Variants in LEF1 observed in about 807,000 individuals in gnomAD.
LEF1 encodes the protein lymphoid enhancer-binding factor 1.
LEF1 carries 14 observed loss-of-function variants against 51.2 expected under a neutral mutation model. The ratio of observed to expected loss-of-function variants is 0.27; its 90% CI spans 0.18 to 0.43. The LOEUF (loss-of-function observed/expected upper bound fraction) is 0.43. Ranked by LOEUF, LEF1 falls within the 20% of genes least tolerant of loss-of-function variation. The pLI is 1.00. For missense variants in LEF1, 386 were observed against 512.0 expected (o/e 0.75, Z 2.37); for synonymous variants, 185 against 183.2 (o/e 1.01, Z -0.08).
intron 3 of LEF1, among the ~76,000 whole-genome samples, chr4:108,141,431 T>C (rs1368695077): frequency 1.3e-5 from 2 of 152,204 alleles, no homozygotes; most frequent in African/African-American, 4.8e-5. Context: ...AGATGTGGCA[T>C]GTCAGCGGGA....
intron 8 of LEF1, among the ~76,000 whole-genome samples, chr4:108,076,366 T>C (rs964005977): frequency 1.3e-5 from 2 of 152,218 alleles, no homozygotes; most frequent in East Asian, 3.9e-4. Flanking sequence ...AAATTCTAGG[T>C]GGATATTTAT....
At chr4:108,110,302 C>G (rs1406606744) in intron 3 of LEF1, among the ~76,000 whole-genome samples, 1 of 152,196 alleles carries the variant, frequency 6.6e-6, no homozygotes, top group Non-Finnish European at 1.5e-5. Flanking sequence ...ACAAGTTTCA[C>G]TATTCTTGTT....
At position 108,070,557 on chromosome 4, in the gene LEF1, A is replaced by C; in HGVS notation, c.1116+106T>G. 13 of 630,114 alleles carry C rather than the reference A, an allele frequency of 2.1e-5. No individual in the cohort carries two copies. In the South Asian group the frequency reaches 3.7e-4, roughly 18 times the overall value. The allele number at this position is 630,114 out of a possible 1,614,324, so 39.0% of individuals were successfully genotyped here. ...TTACAAAGTTCATTAACTTCCAAAA[A>C]ATAAGTAGTACCAGCATTATATACA... On this transcript the variant is annotated intron_variant, in intron 9 of 11. Transcript: ENST00000265165.
rs1736720986 is a variant in LEF1 at position 108,047,896 on chromosome 4, G to A, written c.*862C>T. The stretch of plus-strand genomic sequence containing the variant: ...TTTAAAAAAAGAAAAGAAGAAAACA[G>A]AAGAAAAAATAAACTGAAATAGGGC... On this transcript the variant is annotated 3_prime_UTR_variant, in exon 12 of 12. Transcript: ENST00000265165. 6.6e-6 allele frequency: 1 copy of A among 152,542 alleles called. No individual in the cohort carries two copies. Among genetic ancestry groups the A allele is most frequent in the South Asian group, 2.1e-4 (1 of 4,832 alleles). 9.4% of individuals were successfully genotyped at this position (152,542 alleles called of 1,614,324 possible).
intron 11 of LEF1, among the ~76,000 whole-genome samples, chr4:108,058,813 A>G (rs113628966): frequency 7.2e-5 from 11 of 152,208 alleles, no homozygotes; most frequent in Non-Finnish European, 1.5e-4. Flanking sequence ...GCCTAACAGG[A>G]TTCGTGACTT....
At chr4:108,048,822 C>G (rs575236712) in intron 11 of LEF1, 71 bp from the exon 12 acceptor site, 1 of 1,053,932 alleles carries the variant, frequency 9.5e-7, no homozygotes, top group Admixed American at 2.4e-5. Flanking sequence ...ACCTCTATTC[C>G]ATACCATATA....
intron 3 of LEF1, among the ~76,000 whole-genome samples, chr4:108,161,246 G>T (rs994436339): frequency 1.3e-5 from 2 of 152,064 alleles, no homozygotes; most frequent in East Asian, 1.9e-4. Flanking sequence ...AACTCACTTC[G>T]GTTGGACCCT....
At chr4:108,069,521 G>A (rs1738311418) in intron 9 of LEF1, among the ~76,000 whole-genome samples, 1 of 152,182 alleles carries the variant, frequency 6.6e-6, no homozygotes, top group Admixed American at 6.5e-5. Flanking sequence ...ATATGTGATA[G>A]ATGCTGGGGT....
chr4:108,157,174 A>C (rs1274172019), intron 3 of LEF1, among the ~76,000 whole-genome samples: 4 of 110,896 alleles, frequency 3.6e-5, no homozygotes, highest in East Asian at 3.7e-4. Flanking sequence ...CTCTCTATAT[A>C]TATATACACA....
rs115872504 is a variant in LEF1 at position 108,069,549 on chromosome 4, G to T, written c.1116+1114C>A. 2.2e-3 allele frequency among the ~76,000 whole-genome samples: 342 copies of T among 152,272 alleles called. 1 individual carries two copies. The highest frequency in any genetic ancestry group is 2.5e-3 in the Non-Finnish European group (170 of 68,012). ...GCTGGGGTACGATAACATGAAAAAA[G>T]ATTTTTTTACCCAGTTTTAAGTAGT... On this transcript the variant is annotated intron_variant, in intron 9 of 11. Transcript: ENST00000265165.
chr4:108,167,938 A>G lies in LEF1; in HGVS notation c.-171T>C. 1 of 388,990 alleles carries G rather than the reference A, an allele frequency of 2.6e-6. No individual in the cohort carries two copies. The highest frequency in any genetic ancestry group is 4.1e-5 in the East Asian group (1 of 24,212). The allele number at this position is 388,990 out of a possible 1,614,324, so 24.1% of individuals were successfully genotyped here. The stretch of plus-strand genomic sequence containing the variant: ...CGCGGGGCCGCCGGCCGGCAGCCGG[A>G]GCAGCTGCCGCGGCGCCCGAATCCC... On this transcript the variant is annotated 5_prime_UTR_variant, in exon 1 of 12. Coordinates refer to ENST00000265165, the MANE Select transcript of LEF1 (RefSeq NM_016269.5). The surrounding 1 kb of genome is among the most constrained non-coding windows in gnomAD (Gnocchi z 5.7).
intron 3 of LEF1, among the ~76,000 whole-genome samples, chr4:108,105,387 G>T (rs577699550): frequency 1.4e-4 from 21 of 152,030 alleles, no homozygotes; most frequent in African/African-American, 5.1e-4. Context: ...CACTATGTTG[G>T]CCAGGCTGGT....
chr4:108,164,667 T>C (rs905141667), intron 2 of LEF1, among the ~76,000 whole-genome samples: 71 of 152,360 alleles, frequency 4.7e-4, no homozygotes, highest in African/African-American at 1.6e-3. Context: ...GCCTTTTCAC[T>C]GTAATAAGGA....
chr4:108,072,196 A>G (rs957203711), intron 8 of LEF1: 1 of 120,736 alleles, frequency 8.3e-6, no homozygotes, highest in Non-Finnish European at 1.8e-5. Flanking sequence ...TAAGAAGGGA[A>G]TGGGTGGGTT....
intron 3 of LEF1, among the ~76,000 whole-genome samples, chr4:108,093,708 G>A (rs1043932048): frequency 1.3e-5 from 2 of 152,058 alleles, no homozygotes; most frequent in Non-Finnish European, 2.9e-5. Flanking sequence ...ATCTCAGGCA[G>A]GTGATTGGTG....
intron 3 of LEF1, among the ~76,000 whole-genome samples, chr4:108,131,388 TAAA>T (rs34472924): frequency 8.6e-5 from 12 of 139,216 alleles, no homozygotes; most frequent in South Asian, 2.3e-4. Context: ...ACCCTATCTC[TAAA>T]AAAAAAAAAA....
chr4:108,147,775 C>A (rs942732076), intron 3 of LEF1, among the ~76,000 whole-genome samples: 1 of 152,028 alleles, frequency 6.6e-6, no homozygotes, highest in Non-Finnish European at 1.5e-5. Context: ...TCCAACTTAC[C>A]GTTAGGATGC....
rs141850161 is a variant in LEF1 at position 108,089,239 on chromosome 4, C to A, written c.433G>T (p.Val145Leu). The A allele has an allele frequency of 4.2e-4, 678 of 1,613,894 alleles. 2 individuals are homozygous for A. Among genetic ancestry groups the A allele is most frequent in the Non-Finnish European group, 5.3e-4 (622 of 1,179,916 alleles). The change falls in exon 4 of 12, where the codon GTG becomes TTG. Residue 145 changes from valine to leucine, a missense_variant. Coordinates refer to ENST00000265165, the MANE Select transcript of LEF1 (RefSeq NM_016269.5). Reference sequence around the variant, plus strand: ...GGATGGACCGCATGGGATGGCTGCACCACGGGCACTTTATTTGACTGCAAA... The same window carrying A: ...GGATGGACCGCATGGGATGGCTGCAACACGGGCACTTTATTTGACTGCAAA... Reference protein sequence around the residue: ...IPRTSNKVPVVQPSHAVHPLT... With the variant: ...IPRTSNKVPVLQPSHAVHPLT...
chr4:108,074,011 G>A (rs1327326811), intron 8 of LEF1, among the ~76,000 whole-genome samples: 1 of 152,094 alleles, frequency 6.6e-6, no homozygotes, highest in Non-Finnish European at 1.5e-5. Context: ...ATTTTTAGTA[G>A]ATATGGGGTT....
Sources: gnomAD v4.1 joint callset for allele counts (sites outside exome capture counted in the v4.1 genomes callset) on GRCh38, gnomAD v4.1.1 for gene constraint, Gnocchi (gnomAD v3.1) non-coding constraint, MANE v1.5 for transcripts, NCBI Gene and HGNC (gene_info 2026-07-23, HGNC 2026-07-21) for gene names.